FIP1L1: variants seen among roughly 807,000 people sequenced by gnomAD.
FIP1L1 encodes the protein pre-mRNA 3'-end-processing factor FIP1.
FIP1L1 carries 21 observed loss-of-function variants against 84.6 expected under a neutral mutation model. The observed-to-expected ratio is 0.25, with a 90% CI of 0.18 to 0.36. The LOEUF (loss-of-function observed/expected upper bound fraction) is 0.36, where lower values mean the gene tolerates loss of function less well. Ranked by LOEUF, FIP1L1 falls within the 10% of genes least tolerant of loss-of-function variation. The pLI is 1.00. For missense variants in FIP1L1, 526 were observed against 751.1 expected, an observed-to-expected ratio of 0.70 and a Z score of 3.50; for synonymous variants, 263 against 242.3, an observed-to-expected ratio of 1.09 and a Z score of -0.80.
At chr4:53,385,427 T>C (rs567823050) in intron 5 of FIP1L1, among the ~76,000 whole-genome samples, 1 of 152,264 alleles carries the variant, frequency 6.6e-6, no homozygotes, top group South Asian at 2.1e-4. Context: ...TTATGCATTG[T>C]AATTATGTTT....
At chr4:53,443,986 A>T in intron 14 of FIP1L1, 62 bp from the exon 15 acceptor site, 1 of 1,175,174 alleles carries the variant, frequency 8.5e-7, no homozygotes, top group Non-Finnish European at 1.2e-6. Flanking sequence ...CTTTTGTACT[A>T]CATTATTAAA....
chr4:53,378,142 G>T (rs1448052999), intron 1 of FIP1L1: 4 of 429,776 alleles, frequency 9.3e-6, no homozygotes, highest in Admixed American at 4.4e-5. Context: ...CCCCTGTGGC[G>T]GCCGGGCCGG....
intron 16 of FIP1L1, chr4:53,458,431 A>G (rs1482365341): frequency 2.4e-5 from 8 of 336,422 alleles, no homozygotes; most frequent in Non-Finnish European, 4.3e-5. Context: ...GTCATTTAAC[A>G]TGTGTAATTA....
chr4:53,386,118 T>G (rs949682457), intron 5 of FIP1L1, among the ~76,000 whole-genome samples: 1 of 151,996 alleles, frequency 6.6e-6, no homozygotes, highest in Non-Finnish European at 1.5e-5. Flanking sequence ...AAGCAACTCT[T>G]AAAGTAGAAA....
At chr4:53,397,235 A>G (rs535670836) in intron 9 of FIP1L1, among the ~76,000 whole-genome samples, 126 of 152,276 alleles carry the variant, frequency 8.3e-4, no homozygotes, top group African/African-American at 3.0e-3. Context: ...TCCTTTTTGT[A>G]TGGGAACTTA....
At chr4:53,396,375 T>C (rs1747331014) in intron 9 of FIP1L1, among the ~76,000 whole-genome samples, 1 of 151,504 alleles carries the variant, frequency 6.6e-6, no homozygotes, top group African/African-American at 2.4e-5. Context: ...CAAATGTTTC[T>C]ATGTTGAGAT....
At chr4:53,437,811 C>T (rs1478719274) in intron 13 of FIP1L1, among the ~76,000 whole-genome samples, 4 of 151,928 alleles carry the variant, frequency 2.6e-5, no homozygotes, top group Admixed American at 6.6e-5. Context: ...CTGCAACCTC[C>T]GCCTCCTGGG....
intron 11 of FIP1L1, among the ~76,000 whole-genome samples, chr4:53,425,336 A>T (rs913785652): frequency 6.6e-6 from 1 of 151,900 alleles, no homozygotes; most frequent in African/African-American, 2.4e-5. Flanking sequence ...AAATATTTGA[A>T]TTTTTCTATC....
At chr4:53,395,479 G>A (rs191615069) in intron 9 of FIP1L1, among the ~76,000 whole-genome samples, 2 of 152,122 alleles carry the variant, frequency 1.3e-5, no homozygotes, top group Admixed American at 6.5e-5. Flanking sequence ...TTAGGCTTTG[G>A]GGGGAAGGGG....
intron 14 of FIP1L1, 145 bp from the exon 15 acceptor site, chr4:53,443,903 T>A (rs1273919393): frequency 1.4e-5 from 7 of 511,314 alleles, no homozygotes; most frequent in Non-Finnish European, 1.7e-5. Flanking sequence ...CCATGTTTTA[T>A]TAATAAAATT....
intron 5 of FIP1L1, among the ~76,000 whole-genome samples, chr4:53,385,320 G>A (rs1231872949): frequency 6.6e-6 from 1 of 152,022 alleles, no homozygotes; most frequent in African/African-American, 2.4e-5. Flanking sequence ...GATTATGGAT[G>A]GGACCTTTTT....
At chr4:53,418,876 C>A (rs1760972378) in intron 11 of FIP1L1, among the ~76,000 whole-genome samples, 1 of 152,152 alleles carries the variant, frequency 6.6e-6, no homozygotes, top group South Asian at 2.1e-4. Context: ...ATGACCTCTT[C>A]CTCTGACTAT....
chr4:53,446,268 T>C (rs1774171754), intron 15 of FIP1L1, among the ~76,000 whole-genome samples: 1 of 152,142 alleles, frequency 6.6e-6, no homozygotes, highest in African/African-American at 2.4e-5. Context: ...CCTCTTACCA[T>C]TTATGTGACT....
chr4:53,409,883 T>G (rs536594917), intron 10 of FIP1L1, among the ~76,000 whole-genome samples: 1 of 152,316 alleles, frequency 6.6e-6, no homozygotes, highest in African/African-American at 2.4e-5. Context: ...ATTTTCCAGG[T>G]GCTGTCTGTC....
Position 53,391,020 on chromosome 4 carries a change from T to C in FIP1L1, c.517T>C (p.Ser173Pro). ...KPWRKPGADL[S>P]DYFNYGFNED... ...TGTTTTATCTTTAGGTGCTGATCTTTCTGATTATTTTAATTATGGGTTTAA... is the reference window on the plus strand; with the variant it reads ...TGTTTTATCTTTAGGTGCTGATCTTCCTGATTATTTTAATTATGGGTTTAA... Residue 173 changes from serine (S) to proline (P), a missense_variant, in exon 8 of 18, where the codon TCT (serine) becomes CCT (proline). By Grantham distance (74) the Ser-to-Pro change is moderately conservative. This residue lies in a region of FIP1L1 where 169 missense variants were observed against 206.9 expected (regional missense o/e 0.82). Coordinates refer to ENST00000337488, the MANE Select transcript of FIP1L1 (RefSeq NM_030917.4). 1 of 1,599,944 alleles carries C rather than the reference T, an allele frequency of 6.3e-7. No homozygotes were observed. The highest frequency in any genetic ancestry group is 8.5e-7 in the Non-Finnish European group (1 of 1,175,270).
chr4:53,421,416 C>T (rs1762367820), intron 11 of FIP1L1, among the ~76,000 whole-genome samples: 1 of 152,172 alleles, frequency 6.6e-6, no homozygotes, highest in Admixed American at 6.5e-5. Flanking sequence ...TCTCTATGCT[C>T]ATAGTTGTCC....
At chr4:53,392,502 G>A (rs1286875637) in intron 9 of FIP1L1, among the ~76,000 whole-genome samples, 1 of 152,210 alleles carries the variant, frequency 6.6e-6, no homozygotes, top group African/African-American at 2.4e-5. Flanking sequence ...ATGTGATGAT[G>A]TCTGTTGTGT....
chr4:53,420,720 G>A (rs1229920141), intron 11 of FIP1L1, among the ~76,000 whole-genome samples: 1 of 149,422 alleles, frequency 6.7e-6, no homozygotes, highest in African/African-American at 2.6e-5. Context: ...GTACACACAG[G>A]TATAGAAACA....
chr4:53,434,505 C>G (rs1578906676), intron 13 of FIP1L1, among the ~76,000 whole-genome samples: 1 of 140,656 alleles, frequency 7.1e-6, no homozygotes, highest in Non-Finnish European at 1.5e-5. Flanking sequence ...AAGTTTTGTT[C>G]TTGTTGCCCA....
Sources: allele counts gnomAD v4.1 joint callset (sites outside exome capture counted in the v4.1 genomes callset), GRCh38; gene constraint gnomAD v4.1.1; regional missense constraint gnomAD v4.1.1; transcripts MANE v1.5; gene names NCBI Gene and HGNC (gene_info 2026-07-23, HGNC 2026-07-21).